The following HAPLN1 variants were observed in gnomAD, a reference collection of about 807,000 sequenced individuals.
The protein encoded by HAPLN1 is hyaluronan and proteoglycan link protein 1, also known as Cartilage link protein.
Under a neutral mutation model 36.5 loss-of-function variants are expected in HAPLN1, and 13 were observed. The observed-to-expected ratio is 0.36, with a 90% CI of 0.23 to 0.57. The LOEUF (loss-of-function observed/expected upper bound fraction) is 0.57, where lower values mean the gene tolerates loss of function less well. Among genes scored for constraint, HAPLN1 ranks in the 20% least tolerant of loss-of-function variants. HAPLN1 has a pLI of 0.83. For missense variants in HAPLN1, 407 were observed against 439.7 expected, an observed-to-expected ratio of 0.93 and a Z score of 0.66; for synonymous variants, 202 against 169.8, an observed-to-expected ratio of 1.19 and a Z score of -1.48.
intron 1 of HAPLN1, among the ~76,000 whole-genome samples, chr5:83,683,586 G>C (rs893334373): frequency 6.6e-6 from 1 of 152,232 alleles, no homozygotes; most frequent in South Asian, 2.1e-4. Context: ...CTTATACCTC[G>C]TTAACTTTAG....
chr5:83,661,705 AGT>A (rs1263074114), intron 2 of HAPLN1, among the ~76,000 whole-genome samples: 4 of 152,070 alleles, frequency 2.6e-5, no homozygotes, highest in African/African-American at 9.7e-5. Context: ...GGCCTCCCAA[AGT>A]GTTGGGATTA....
chr5:83,669,344 CAA>C (rs1750638393), intron 2 of HAPLN1, among the ~76,000 whole-genome samples: 1 of 151,976 alleles, frequency 6.6e-6, no homozygotes, highest in Non-Finnish European at 1.5e-5. Context: ...ACTAAAAATA[CAA>C]AGAGTAGCAG....
chr5:83,652,816 C>A lies in HAPLN1; in HGVS notation c.109G>T (p.Gly37Cys). 3.8e-6 allele frequency: 6 copies of A among 1,561,564 alleles called. No homozygotes were observed. The highest frequency in any genetic ancestry group is 2.4e-5 in the South Asian group (2 of 82,616). ...DRAIHIQAENGPHLLVEAEQA... is the reference protein window; with the variant it reads ...DRAIHIQAENCPHLLVEAEQA... ...TCTGCTTCCACAAGTAGATGGGGGC[C>A]ATTTTCTGCTATAATTAAAAAGGAA... The change falls in exon 3 of 5, where the codon GGC becomes TGC. Residue 37 changes from glycine (G) to cysteine (C), a missense_variant. Physicochemically the swap from Gly to Cys is radical, Grantham distance 159. Transcript: ENST00000274341.
chr5:83,675,532 C>T (rs184371351), intron 1 of HAPLN1, among the ~76,000 whole-genome samples: 4 of 152,230 alleles, frequency 2.6e-5, no homozygotes, highest in African/African-American at 9.6e-5. Flanking sequence ...TATCCTACCA[C>T]TGCAACCATC....
At chr5:83,716,569 T>C (rs1038318055) in intron 1 of HAPLN1, among the ~76,000 whole-genome samples, 1 of 152,192 alleles carries the variant, frequency 6.6e-6, no homozygotes, top group Admixed American at 6.5e-5. Context: ...AGCTATCTCC[T>C]TCCATGTCTC....
intron 2 of HAPLN1, among the ~76,000 whole-genome samples, chr5:83,656,327 CAAAA>C (rs35902132): frequency 1.7e-5 from 1 of 59,804 alleles, no homozygotes; most frequent in African/African-American, 6.9e-5. Flanking sequence ...GACTACGTCT[CAAAA>C]AAAAAAAAAA....
Position 83,639,994 on chromosome 5 carries a change from G to T in HAPLN1, c.*1502C>A, listed in dbSNP as rs1470570766. On this transcript the variant is annotated 3_prime_UTR_variant, in exon 5 of 5. Coordinates refer to ENST00000274341, the MANE Select transcript of HAPLN1 (RefSeq NM_001884.4). ...TTAAATGCAACCACAATCCATTCAG[G>T]AAACAGATTTATTTACTCATGTTCA... 1 of 151,932 alleles carries T rather than the reference G, an allele frequency of 6.6e-6. No homozygotes were observed. 9.4% of individuals were successfully genotyped at this position (151,932 alleles called of 1,614,324 possible).
At chr5:83,714,585 A>G (rs1751876976) in intron 1 of HAPLN1, among the ~76,000 whole-genome samples, 1 of 152,112 alleles carries the variant, frequency 6.6e-6, no homozygotes, top group Non-Finnish European at 1.5e-5. Context: ...CTGTACTTAC[A>G]TACCTGAGAA....
intron 2 of HAPLN1, among the ~76,000 whole-genome samples, chr5:83,659,280 A>C: frequency 6.6e-6 from 1 of 152,114 alleles, no homozygotes; most frequent in Non-Finnish European, 1.5e-5. Context: ...TCTTAAAAAA[A>C]AAAAAAATCT....
At chr5:83,650,320 A>T (rs903816990) in intron 3 of HAPLN1, among the ~76,000 whole-genome samples, 2 of 152,236 alleles carry the variant, frequency 1.3e-5, no homozygotes, top group African/African-American at 2.4e-5. Flanking sequence ...CATGAACAAA[A>T]TAAATAGAAC....
chr5:83,697,259 G>A (rs1393907676), intron 1 of HAPLN1, among the ~76,000 whole-genome samples: 5 of 152,118 alleles, frequency 3.3e-5, no homozygotes, highest in Non-Finnish European at 7.4e-5. Flanking sequence ...CATAGAGACA[G>A]ATGTATTGAC....
chr5:83,683,777 G>T (rs1038791870), intron 1 of HAPLN1, among the ~76,000 whole-genome samples: 1 of 152,110 alleles, frequency 6.6e-6, no homozygotes, highest in Non-Finnish European at 1.5e-5. Context: ...AGTAATAACT[G>T]CACACCTCAA....
rs1007493890 is a variant in HAPLN1, at chr5:83,640,216, A to C, written c.*1280T>G. 4 of 152,188 alleles carry C rather than the reference A, an allele frequency of 2.6e-5. No homozygotes were observed. The highest frequency in any genetic ancestry group is 9.6e-5 in the African/African-American group (4 of 41,454). 9.4% of individuals were successfully genotyped at this position (152,188 alleles called of 1,614,324 possible). On this transcript the variant is annotated 3_prime_UTR_variant, in exon 5 of 5. Transcript: ENST00000274341. The stretch of plus-strand genomic sequence containing the variant: ...TAGGAAAACAGAGCTTTATTTAAGA[A>C]GATTGGAGCTGCTAATGTGGAAAAT...
At position 83,641,705 on chromosome 5, in the gene HAPLN1, T is replaced by C; in HGVS notation, c.856A>G (p.Ile286Val). 6.2e-7 allele frequency: 1 copy of C among 1,614,180 alleles called. No individual in the cohort carries two copies. The highest frequency in any genetic ancestry group is 8.5e-7 in the Non-Finnish European group (1 of 1,180,030). Residue 286 changes from isoleucine (I) to valine (V), a missense_variant, in exon 5 of 5, where the codon ATT (isoleucine) becomes GTT (valine). Transcript: ENST00000274341. ...VQACLNDGAQIAKVGQIFAAW... is the reference protein window; with the variant it reads ...VQACLNDGAQVAKVGQIFAAW... ...GCAAATATCTGGCCCACTTTTGCAA[T>C]CTGAGCACCATCATTGAGACAAGCT...
intron 1 of HAPLN1, among the ~76,000 whole-genome samples, chr5:83,685,083 T>C (rs1040482057): frequency 7.9e-5 from 12 of 152,332 alleles, no homozygotes; most frequent in South Asian, 2.1e-4. Flanking sequence ...ATCAGTGTAA[T>C]CATTTCTACA....
At chr5:83,689,082 C>T (rs933685232) in intron 1 of HAPLN1, among the ~76,000 whole-genome samples, 1 of 152,114 alleles carries the variant, frequency 6.6e-6, no homozygotes, top group African/African-American at 2.4e-5. Flanking sequence ...ACAATAGGTG[C>T]ATAGTCTACC....
In HAPLN1 at chr5:83,641,505, T is replaced by C. The variant is rs758887558; in HGVS notation, c.1056A>G (p.Ala352=). 1 of 1,601,424 alleles carries C rather than the reference T, an allele frequency of 6.2e-7. No homozygotes were observed. Among genetic ancestry groups the C allele is most frequent in the South Asian group, 1.1e-5 (1 of 90,428 alleles). Residue 352 remains alanine (A), a synonymous_variant, in exon 5 of 5, where the codon GCA becomes GCG. Transcript: ENST00000274341. ...HKLYGVYCFR[A]YN ...CGCTCTAAGGGCACATTCAGTTGTA[T>C]GCTCTGAAGCAGTAGACACCATACA...
chr5:83,670,689 TTG>T (rs10572732), intron 2 of HAPLN1, among the ~76,000 whole-genome samples: 62,162 of 148,490 alleles, frequency 0.42, 13,513 homozygotes, highest in East Asian at 0.71. Flanking sequence ...TACCTTTGTT[TTG>T]TGTGTGTGTG....
At chr5:83,687,069 T>C (rs766842389) in intron 1 of HAPLN1, among the ~76,000 whole-genome samples, 1 of 152,128 alleles carries the variant, frequency 6.6e-6, no homozygotes, top group Non-Finnish European at 1.5e-5. Context: ...TTACGAAATA[T>C]GTAAAACAAA....
Sources: allele counts gnomAD v4.1 joint callset (sites outside exome capture counted in the v4.1 genomes callset), GRCh38; gene constraint gnomAD v4.1.1; transcripts MANE v1.5; gene names NCBI Gene and HGNC (gene_info 2026-07-23, HGNC 2026-07-21).